The following LUZP2 variants were observed in gnomAD, a reference collection of about 807,000 sequenced individuals.
LUZP2 encodes the protein leucine zipper protein 2.
LUZP2 carries 52 observed loss-of-function variants against 51.6 expected under a neutral mutation model. The observed-to-expected ratio is 1.01, with a 90% CI of 0.81 to 1.27. The LOEUF is 1.27. Ranked by LOEUF, LUZP2 falls within the 50% of genes most tolerant of loss-of-function variation. The probability of loss-of-function intolerance (pLI) is 0.00; values close to 1 mark genes in which losing one functional copy is unlikely to be tolerated. For missense variants in LUZP2, 436 were observed against 395.4 expected (o/e 1.10, Z -0.87); for synonymous variants, 154 against 137.3 (o/e 1.12, Z -0.85).
intron 1 of LUZP2, among the ~76,000 whole-genome samples, chr11:24,506,695 C>G (rs971549573): frequency 6.6e-6 from 1 of 152,088 alleles, no homozygotes; most frequent in African/African-American, 2.4e-5. Flanking sequence ...GCTACTTACT[C>G]TTTGTCACTT....
At chr11:24,698,959 G>A (rs1857334874) in intron 1 of LUZP2, among the ~76,000 whole-genome samples, 2 of 152,060 alleles carry the variant, frequency 1.3e-5, no homozygotes, top group Non-Finnish European at 2.9e-5. Flanking sequence ...TTTAGAGGCT[G>A]AGATGAGAGG....
chr11:24,526,259 A>G (rs966246380), intron 1 of LUZP2, among the ~76,000 whole-genome samples: 5 of 76,720 alleles, frequency 6.5e-5, no homozygotes, highest in African/African-American at 2.9e-4. Flanking sequence ...TCATGACACT[A>G]GGGGGCAAAA....
At chr11:24,515,629 C>T (rs946601235) in intron 1 of LUZP2, among the ~76,000 whole-genome samples, 6 of 152,016 alleles carry the variant, frequency 3.9e-5, no homozygotes, top group African/African-American at 1.2e-4. Flanking sequence ...GGTTTCAAAA[C>T]GTAGACGGAA....
chr11:24,926,209 A>G (rs555139678), intron 7 of LUZP2, among the ~76,000 whole-genome samples: 95 of 146,694 alleles, frequency 6.5e-4, no homozygotes, highest in South Asian at 8.5e-4. Flanking sequence ...ATATGTGTGT[A>G]TATATATATA....
intron 1 of LUZP2, among the ~76,000 whole-genome samples, chr11:24,633,939 CGTGTGT>C (rs67250902): frequency 6.7e-5 from 10 of 148,518 alleles, no homozygotes; most frequent in African/African-American, 1.7e-4. Context: ...GTCTAACACA[CGTGTGT>C]GTGTGTGTGT....
At chr11:24,753,727 G>A (rs1459414139) in intron 4 of LUZP2, among the ~76,000 whole-genome samples, 1 of 152,030 alleles carries the variant, frequency 6.6e-6, no homozygotes, top group African/African-American at 2.4e-5. Flanking sequence ...TTCTTCTCTT[G>A]CAGACTATTT....
rs540732995 is a variant in LUZP2 at position 24,988,039 on chromosome 11, A to G, written c.765+4746A>G. Among the ~76,000 whole-genome samples the G allele has an allele frequency of 1.2e-4, 18 of 152,130 alleles. No individual in the cohort carries two copies. The South Asian group carries it at 3.7e-3, about 32-fold the overall frequency. ...AACATGAGTAAGATCCTTATTTTAGAAATGAGAAAGGACTCTAAGAAGTAA... is the reference window on the plus strand; with the variant it reads ...AACATGAGTAAGATCCTTATTTTAGGAATGAGAAAGGACTCTAAGAAGTAA... On this transcript the variant is annotated intron_variant, in intron 9 of 11. Transcript: ENST00000336930.
intron 7 of LUZP2, among the ~76,000 whole-genome samples, chr11:24,922,297 T>C (rs10767278): frequency 0.55 from 84,108 of 151,662 alleles, 23,586 homozygotes; most frequent in East Asian, 0.83. Context: ...AGTTATTTAA[T>C]TTGGTACCTC....
intron 1 of LUZP2, among the ~76,000 whole-genome samples, chr11:24,560,895 G>T (rs1428124449): frequency 6.6e-6 from 1 of 152,158 alleles, no homozygotes; most frequent in East Asian, 1.9e-4. Context: ...TGGAGTCCAG[G>T]ATGCCAGCTT....
intron 9 of LUZP2, among the ~76,000 whole-genome samples, chr11:24,997,327 G>T (rs1213876174): frequency 6.6e-6 from 1 of 152,144 alleles, no homozygotes; most frequent in African/African-American, 2.4e-5. Flanking sequence ...GGTGTGAGAT[G>T]GTATCCCATT....
chr11:24,999,015 T>G (rs1446188), intron 9 of LUZP2, among the ~76,000 whole-genome samples: 2 of 151,962 alleles, frequency 1.3e-5, no homozygotes, highest in African/African-American at 4.8e-5. Context: ...TCAACAAATG[T>G]CTTTAATCTC....
intron 7 of LUZP2, among the ~76,000 whole-genome samples, chr11:24,969,851 C>A (rs954941500): frequency 6.6e-6 from 1 of 151,968 alleles, no homozygotes; most frequent in Non-Finnish European, 1.5e-5. Context: ...TTTTAGGAGG[C>A]CAGTCCATCT....
chr11:24,631,163 T>G (rs976061646), intron 1 of LUZP2, among the ~76,000 whole-genome samples: 2 of 151,938 alleles, frequency 1.3e-5, no homozygotes, highest in African/African-American at 4.8e-5. Context: ...GACTTTCTCT[T>G]CTGATTTGGA....
In LUZP2 at chr11:24,850,208, T is replaced by A. The variant is rs368550985; in HGVS notation, c.397-55783T>A. 3.1e-4 allele frequency among the ~76,000 whole-genome samples: 47 copies of A among 152,362 alleles called. No homozygotes were observed. In the South Asian group the frequency reaches 3.7e-3, roughly 12 times the overall value. On this transcript the variant is annotated intron_variant, in intron 5 of 11. Coordinates refer to ENST00000336930, the MANE Select transcript of LUZP2 (RefSeq NM_001009909.4). ...CATGAAGTCATTGCCCATGCCTATG[T>A]CCTGAATGGTATTGCCTAGGTTTTC...
chr11:24,907,299 C>A (rs80300695), intron 6 of LUZP2, among the ~76,000 whole-genome samples: 167 of 103,444 alleles, frequency 1.6e-3, no homozygotes, highest in Middle Eastern at 5.4e-3. Context: ...AACACAAATA[C>A]AAAAAAAAAA....
chr11:24,639,426 C>T (rs995663160), intron 1 of LUZP2, among the ~76,000 whole-genome samples: 3 of 151,346 alleles, frequency 2.0e-5, no homozygotes, highest in African/African-American at 7.3e-5. Flanking sequence ...ATTTTATTTA[C>T]CCTTTACTTG....
chr11:24,718,124 C>A (rs572899549), intron 1 of LUZP2, among the ~76,000 whole-genome samples: 2 of 152,280 alleles, frequency 1.3e-5, no homozygotes, highest in African/African-American at 4.8e-5. Context: ...ACAGGACTAT[C>A]AAAAACTGGC....
intron 5 of LUZP2, among the ~76,000 whole-genome samples, chr11:24,889,670 G>T (rs995139955): frequency 6.6e-6 from 1 of 152,146 alleles, no homozygotes; most frequent in African/African-American, 2.4e-5. Flanking sequence ...CCCCACAGTT[G>T]GCTCAGCTGA....
At chr11:24,921,828 A>G (rs1854069208) in intron 7 of LUZP2, among the ~76,000 whole-genome samples, 2 of 152,088 alleles carry the variant, frequency 1.3e-5, no homozygotes, top group Admixed American at 1.3e-4. Context: ...TTCCCTGTGT[A>G]ATCAGAGGAG....
Sources: allele counts gnomAD v4.1 joint callset (sites outside exome capture counted in the v4.1 genomes callset), GRCh38; gene constraint gnomAD v4.1.1; transcripts MANE v1.5; gene names NCBI Gene and HGNC (gene_info 2026-07-23, HGNC 2026-07-21).